The following PRKN variants were observed in gnomAD, a reference collection of about 807,000 sequenced individuals.
The protein encoded by PRKN is E3 ubiquitin-protein ligase parkin.
A neutral mutation model predicts 59.5 loss-of-function variants in PRKN; 56 were observed. The observed-to-expected ratio is 0.94, with a 90% CI of 0.76 to 1.18. The LOEUF is 1.18. Ranked by LOEUF, PRKN falls within the 50% of genes most tolerant of loss-of-function variation. The pLI, the probability that PRKN is intolerant of heterozygous loss-of-function variation, is 0.00. For synonymous variants in PRKN, 250 were observed against 222.1 expected (o/e 1.13, Z -1.12); for missense variants, 657 against 596.4 (o/e 1.10, Z -1.06).
chr6:162,549,905 G>A (rs1212881044), intron 1 of PRKN, among the ~76,000 whole-genome samples: 1 of 152,138 alleles, frequency 6.6e-6, no homozygotes, highest in South Asian at 2.1e-4. Flanking sequence ...CCAAAGTGCT[G>A]GGATTGCAGG....
At chr6:162,349,916 A>C (rs1249201780) in intron 2 of PRKN, among the ~76,000 whole-genome samples, 1 of 152,176 alleles carries the variant, frequency 6.6e-6, no homozygotes, top group Non-Finnish European at 1.5e-5. Context: ...AAGAAGAAAA[A>C]CTGTATTCCT....
At position 161,502,745 on chromosome 6, in the gene PRKN, G is replaced by A. The variant is rs75823988; in HGVS notation, c.1083+46109C>T. On this transcript the variant is annotated intron_variant, in intron 9 of 11. Transcript: ENST00000366898. The surrounding 1 kb of genome is among the most constrained non-coding windows in gnomAD (Gnocchi z 4.0). ...GGACTAATGATGGTGGAGCAGTGTC[G>A]GTGAGGGTATGAGGTGGCTCTGATC... 0.081 allele frequency among the ~76,000 whole-genome samples: 12,320 copies of A among 152,100 alleles called. 729 individuals carry two copies. The highest frequency in any genetic ancestry group is 0.16 in the African/African-American group (6,668 of 41,450).
chr6:162,687,573 C>T (rs1355819514), intron 1 of PRKN, among the ~76,000 whole-genome samples: 3 of 152,162 alleles, frequency 2.0e-5, no homozygotes, highest in African/African-American at 7.2e-5. Context: ...TTCTTCTTAA[C>T]ATGGTCCCCT....
intron 9 of PRKN, among the ~76,000 whole-genome samples, chr6:161,532,164 CTCTATA>C (rs1185334029): frequency 0.015 from 1,017 of 67,904 alleles, 5 homozygotes; most frequent in African/African-American, 0.05. Flanking sequence ...CTCTCTCTCT[CTCTATA>C]TATATATATA....
rs1790042264 is a variant in PRKN at position 161,457,862 on chromosome 6, C to T, written c.1084-70985G>A. Among the ~76,000 whole-genome samples, 1 of 152,156 alleles carries T rather than the reference C, an allele frequency of 6.6e-6. No individual in the cohort carries two copies. Among genetic ancestry groups the T allele is most frequent in the Admixed American group, 6.5e-5 (1 of 15,280 alleles). ...ACATGTAAGTTAAAGAAATAGTGGC[C>T]TTCTTTTGTCTTTCCTTTGTAGTTT... On this transcript the variant is annotated intron_variant, in intron 9 of 11. Transcript: ENST00000366898. The surrounding 1 kb of genome is among the most constrained non-coding windows in gnomAD (Gnocchi z 5.0).
intron 1 of PRKN, among the ~76,000 whole-genome samples, chr6:162,512,846 A>T (rs1777688792): frequency 6.6e-6 from 1 of 152,156 alleles, no homozygotes; most frequent in South Asian, 2.1e-4. Context: ...TTTCCTGAAA[A>T]ATGAGAAAAC....
At chr6:161,453,624 C>T (rs1583088667) in intron 9 of PRKN, among the ~76,000 whole-genome samples, 1 of 152,162 alleles carries the variant, frequency 6.6e-6, no homozygotes, top group African/African-American at 2.4e-5. Flanking sequence ...TCTGGCCCGC[C>T]CTGTAGGATT....
chr6:162,003,995 A>C (rs1417131373), intron 5 of PRKN, among the ~76,000 whole-genome samples: 1 of 152,180 alleles, frequency 6.6e-6, no homozygotes, highest in Non-Finnish European at 1.5e-5. Flanking sequence ...TGAAACACTT[A>C]AAGCCTTGGT....
In PRKN at chr6:161,592,789, G is replaced by C. The variant is rs1266392121; in HGVS notation, c.872-23373C>G. Among the ~76,000 whole-genome samples, 1 of 152,086 alleles carries C rather than the reference G, an allele frequency of 6.6e-6. No individual in the cohort carries two copies. Among genetic ancestry groups the C allele is most frequent in the Admixed American group, 6.5e-5 (1 of 15,270 alleles). On this transcript the variant is annotated intron_variant, in intron 7 of 11. Transcript: ENST00000366898. The surrounding 1 kb of genome is among the most constrained non-coding windows in gnomAD (Gnocchi z 4.8). Reference sequence around the variant, plus strand: ...GAGGGAACACAAGCAGAGCAGACAGGTCTGCGGGCCAGGGTGCCGCCAGGA... The same window carrying C: ...GAGGGAACACAAGCAGAGCAGACAGCTCTGCGGGCCAGGGTGCCGCCAGGA...
chr6:162,658,119 G>A (rs192722432), intron 1 of PRKN, among the ~76,000 whole-genome samples: 1 of 152,242 alleles, frequency 6.6e-6, no homozygotes, highest in African/African-American at 2.4e-5. Context: ...TTAACCAGAT[G>A]CACTTAAAAA....
rs887273560 is a variant in PRKN, at chr6:161,447,469, T to C, written c.1084-60592A>G. Among the ~76,000 whole-genome samples, 56 of 152,322 alleles carry C rather than the reference T, an allele frequency of 3.7e-4. No homozygotes were observed. The highest frequency in any genetic ancestry group is 1.3e-3 in the Admixed American group (20 of 15,298). ...GTAAAGAAGACAAGTTGGAGAATAA[T>C]CTCCCATATTCCTCTGCCATCCTTT... On this transcript the variant is annotated intron_variant, in intron 9 of 11. Transcript: ENST00000366898. The surrounding 1 kb of genome is among the most constrained non-coding windows in gnomAD (Gnocchi z 4.1).
chr6:161,435,949 G>GCA (rs1160505514), intron 9 of PRKN, among the ~76,000 whole-genome samples: 2 of 10,444 alleles, frequency 1.9e-4, no homozygotes, highest in African/African-American at 6.0e-4. Context: ...GCAGGGGGGT[G>GCA]GGATGGGAGG....
intron 9 of PRKN, among the ~76,000 whole-genome samples, chr6:161,531,466 A>G (rs1472794171): frequency 1.3e-5 from 2 of 152,100 alleles, no homozygotes; most frequent in Non-Finnish European, 2.9e-5. Flanking sequence ...AAACTGATGC[A>G]CTCCCACATT....
At chr6:162,695,184 C>T (rs1423494359) in intron 1 of PRKN, 1 of 152,220 alleles carries the variant, frequency 6.6e-6, no homozygotes, top group African/African-American at 2.4e-5. Flanking sequence ...TTCTCCAAGA[C>T]ATTTAGCCAG....
intron 1 of PRKN, among the ~76,000 whole-genome samples, chr6:162,708,921 A>G (rs893463173): frequency 6.6e-6 from 1 of 152,162 alleles, no homozygotes; most frequent in African/African-American, 2.4e-5. Flanking sequence ...CTCTGTATTT[A>G]CAGGTGCTCC....
At chr6:161,754,614 C>T (rs761849758) in intron 7 of PRKN, among the ~76,000 whole-genome samples, 9 of 152,084 alleles carry the variant, frequency 5.9e-5, no homozygotes, top group Non-Finnish European at 1.3e-4. Flanking sequence ...TGAGCCCTCC[C>T]ATGGTCAGGT....
At chr6:161,842,921 A>C (rs1354799179) in intron 6 of PRKN, among the ~76,000 whole-genome samples, 3 of 152,140 alleles carry the variant, frequency 2.0e-5, no homozygotes, top group Admixed American at 6.6e-5. Flanking sequence ...GCTGAATGTT[A>C]AGTTTTCTGC....
intron 7 of PRKN, among the ~76,000 whole-genome samples, chr6:161,709,972 G>A (rs1195650808): frequency 6.6e-6 from 1 of 152,012 alleles, no homozygotes; most frequent in Non-Finnish European, 1.5e-5. Flanking sequence ...TTCCTCAACA[G>A]TCAGTGCTTC....
rs904837546 is a variant in PRKN at position 161,401,187 on chromosome 6, A to G, written c.1084-14310T>C. 2.0e-5 allele frequency among the ~76,000 whole-genome samples: 3 copies of G among 152,188 alleles called. No individual in the cohort carries two copies. Among genetic ancestry groups the G allele is most frequent in the South Asian group, 2.1e-4 (1 of 4,826 alleles). On this transcript the variant is annotated intron_variant, in intron 9 of 11. Transcript: ENST00000366898. The surrounding 1 kb of genome is among the most constrained non-coding windows in gnomAD (Gnocchi z 4.4). ...TTTGCATGTAAAGTATCAGGCTGGA[A>G]GGCTTGGTCGGGCATGGTTTTAGCA...
Sources: allele counts gnomAD v4.1 joint callset (sites outside exome capture counted in the v4.1 genomes callset), GRCh38; gene constraint gnomAD v4.1.1; non-coding constraint Gnocchi (gnomAD v3.1); transcripts MANE v1.5; gene names NCBI Gene and HGNC (gene_info 2026-07-23, HGNC 2026-07-21).